The following OFD1 variants were observed in gnomAD, a reference collection of about 807,000 sequenced individuals.
OFD1 encodes OFD1 centriole and centriolar satellite protein, also known as centriole and centriolar satellite protein OFD1.
OFD1 carries 12 observed loss-of-function variants against 81.4 expected under a neutral mutation model. The observed-to-expected ratio is 0.15, with a 90% CI of 0.09 to 0.24. The LOEUF (loss-of-function observed/expected upper bound fraction) is 0.24. Among genes scored for constraint, OFD1 ranks in the 10% least tolerant of loss-of-function variants. The pLI, the probability that OFD1 is intolerant of heterozygous loss-of-function variation, is 1.00. For missense variants in OFD1, 685 were observed against 733.9 expected (o/e 0.93, Z 0.77); for synonymous variants, 256 against 263.7 (o/e 0.97, Z 0.28).
downstream of OFD1, chrX:13,773,302 A>T: frequency 1.5e-5 from 3 of 196,453 alleles, no homozygotes; most frequent in Non-Finnish European, 2.6e-5. Context: ...ATGAAATACG[A>T]GAGGGTGCTT....
At chrX:13,736,320 G>A in intron 2 of OFD1, 158 bp from the exon 3 acceptor site, 1 of 1,093,178 alleles carries the variant, frequency 9.1e-7, no homozygotes, top group Non-Finnish European at 1.2e-6. Flanking sequence ...TGCAGGGGAA[G>A]GTTTCTAACT....
At chrX:13,723,221 C>T in the OFD1 span, among the ~76,000 whole-genome samples, 1 of 111,879 alleles carries the variant, frequency 8.9e-6, no homozygotes, top group Non-Finnish European at 1.9e-5. Context: ...TGATTCCAAA[C>T]TAGTGGCACA....
downstream of OFD1, chrX:13,773,562 A>G (rs2048343767): frequency 8.9e-6 from 1 of 112,104 alleles, no homozygotes; most frequent in Non-Finnish European, 1.9e-5. Context: ...TAAGCAAAGC[A>G]TGCAGTCTCT....
Position 13,761,128 on chromosome X carries a change from C to A in OFD1, c.2304C>A (p.Asp768Glu), listed in dbSNP as rs1285657350. ...TTGCTTCCCCCAGTCCTTGTCCTGACAGAATGCCCCTACCATCACCCACTG... is the reference window on the plus strand; with the variant it reads ...TTGCTTCCCCCAGTCCTTGTCCTGAAAGAATGCCCCTACCATCACCCACTG... ...SHIASPSPCP[D>E]RMPLPSPTES... The change falls in exon 17 of 23, where the codon GAC (aspartate) becomes GAA (glutamate). Residue 768 changes from aspartate (D) to glutamate (E), a missense_variant. Coordinates refer to ENST00000340096, the MANE Select transcript of OFD1 (RefSeq NM_003611.3). The A allele has an allele frequency of 4.1e-6, 5 of 1,208,551 alleles. No individual in the cohort carries two copies. The highest frequency in any genetic ancestry group is 4.4e-5 in the Admixed American group (2 of 45,665).
rs147104722 is a variant in OFD1, at chrX:13,757,708, G to C, written c.1460G>C (p.Arg487Pro). ...CTTGCAGTCTTTCAGAAAGAACTAC[G>C]GAAAGCCGAAAAGGCTATAGTGGTT... Reference protein sequence around the residue: ...PELAVFQKELRKAEKAIVVEH... With the variant: ...PELAVFQKELPKAEKAIVVEH... The change falls in exon 14 of 23, where the codon CGG becomes CCG. Residue 487 changes from arginine to proline, a missense_variant. By Grantham distance (103) the Arg-to-Pro change is moderately radical. This residue lies in a region of OFD1 where 414 missense variants were observed against 447.2 expected (regional missense o/e 0.93). Coordinates refer to ENST00000340096, the MANE Select transcript of OFD1 (RefSeq NM_003611.3). 1 of 1,207,816 alleles carries C rather than the reference G, an allele frequency of 8.3e-7. No individual in the cohort carries two copies. The highest frequency in any genetic ancestry group is 1.1e-6 in the Non-Finnish European group (1 of 894,473).
Position 13,746,440 on chromosome X carries a change from A to G in OFD1, c.639A>G (p.Ala213=). Residue 213 remains alanine (A), a synonymous_variant, in exon 7 of 23, where the codon GCA becomes GCG. Transcript: ENST00000340096. ...YKREIEEQLR[A]EMCQKLKFFK... is the part of the protein sequence containing the mutation. ...GAGAAATAGAAGAGCAACTTCGGGC[A>G]GAAATGTGTCAAAAGGTAAGCTTTA... 1 of 1,210,413 alleles carries G rather than the reference A, an allele frequency of 8.3e-7. No individual in the cohort carries two copies. The highest frequency in any genetic ancestry group is 1.1e-6 in the Non-Finnish European group (1 of 894,050).
chrX:13,755,605 G>A (rs954570590), intron 12 of OFD1, among the ~76,000 whole-genome samples: 4 of 111,960 alleles, frequency 3.6e-5, no homozygotes, highest in Non-Finnish European at 7.5e-5. Context: ...TTCATAGCAG[G>A]TGGCCATTAC....
At chrX:13,771,635 C>G (rs1444076492), downstream of OFD1, 1 of 111,833 alleles carries the variant, frequency 8.9e-6, no homozygotes, top group Admixed American at 9.6e-5. Flanking sequence ...AGCACTGATG[C>G]ACCCAACAGT....
chrX:13,737,748 G>C (rs2046928001), intron 3 of OFD1, among the ~76,000 whole-genome samples: 1 of 112,010 alleles, frequency 8.9e-6, no homozygotes, highest in South Asian at 3.7e-4. Context: ...ATATTCCAAA[G>C]TTTTAGTGAC....
downstream of OFD1, chrX:13,773,043 GGTGAGCATGATGGCTA>G: frequency 1.7e-6 from 2 of 1,204,949 alleles, no homozygotes; most frequent in Non-Finnish European, 2.2e-6. Flanking sequence ...GGAAGAGAAG[GGTGAGCATGATGGCTA>G]GTGAGCATTG....
rs534681283 is a variant in OFD1, at chrX:13,764,956, C to T, written c.2599+1101C>T. On this transcript the variant is annotated intron_variant, in intron 19 of 22. Coordinates refer to ENST00000340096, the MANE Select transcript of OFD1 (RefSeq NM_003611.3). ...GGGGCTGCAGCAGCTGAGTAGGGGCCGTGGCCACAAGAGGGAGTGTCTACA... is the reference window on the plus strand; with the variant it reads ...GGGGCTGCAGCAGCTGAGTAGGGGCTGTGGCCACAAGAGGGAGTGTCTACA... 2.4e-3 allele frequency among the ~76,000 whole-genome samples: 264 copies of T among 111,237 alleles called. 1 individual carries two copies. Among genetic ancestry groups the T allele is most frequent in the Non-Finnish European group, 4.2e-3 (225 of 53,030 alleles).
rs3815049 is a variant in OFD1, at chrX:13,753,457, A to C, written c.1129+16A>C. The C allele has an allele frequency of 8.3e-7, 1 of 1,206,198 alleles. No individual in the cohort carries two copies. The highest frequency in any genetic ancestry group is 2.2e-5 in the Admixed American group (1 of 45,954). ...AAGAATAAAGGTGATGTTTGGGGGG[A>C]AAATAAGCTGTATTTTTCAGTTCTG... On this transcript the variant is annotated intron_variant, in intron 11 of 22. Transcript: ENST00000340096.
intron 9 of OFD1, among the ~76,000 whole-genome samples, chrX:13,750,069 C>T (rs181592717): frequency 4.5e-5 from 5 of 112,243 alleles, no homozygotes; most frequent in Middle Eastern, 4.6e-3. Context: ...TGCAATAAGC[C>T]TTCTCTTCCT....
chrX:13,766,670 T>C (rs2048141828), intron 19 of OFD1, among the ~76,000 whole-genome samples: 1 of 110,144 alleles, frequency 9.1e-6, no homozygotes. Flanking sequence ...TTCTGTTCTG[T>C]TTTGTTGGGG....
chrX:13,766,590 G>A (rs1010140844), intron 19 of OFD1, among the ~76,000 whole-genome samples: 2 of 111,100 alleles, frequency 1.8e-5, no homozygotes, highest in African/African-American at 3.3e-5. Flanking sequence ...AAGGGCTGCC[G>A]TCAGTTTGGA....
At position 13,763,826 on chromosome X, in the gene OFD1, C is replaced by G. The variant is rs2048026072; in HGVS notation, c.2570C>G (p.Ala857Gly). ...GDMSHVDAAA[A>G]AVPLSYQHPS... ...ATGTCTCATGTGGACGCTGCTGCAG[C>G]TGCTGTGCCCCTCTCATATCAGCAC... Residue 857 changes from alanine to glycine, a missense_variant, in exon 19 of 23, where the codon GCT becomes GGT. By Grantham distance (60) the Ala-to-Gly change is moderately conservative. Transcript: ENST00000340096. 1.7e-6 allele frequency: 2 copies of G among 1,208,399 alleles called. No homozygotes were observed. The highest frequency in any genetic ancestry group is 2.2e-6 in the Non-Finnish European group (2 of 893,958).
chrX:13,772,986 C>T (rs781290375), downstream of OFD1: 5 of 1,210,434 alleles, frequency 4.1e-6, no homozygotes, highest in Admixed American at 8.7e-5. Context: ...TGCTCGCATC[C>T]TTTAAGTAAG....
intron 10 of OFD1, among the ~76,000 whole-genome samples, chrX:13,752,348 G>A (rs1011765348): frequency 7.1e-5 from 8 of 112,245 alleles, no homozygotes; most frequent in African/African-American, 2.3e-4. Flanking sequence ...GTTAATATTT[G>A]TTGTAAATGT....
chrX:13,722,316 G>A, the OFD1 span: 1 of 108,496 alleles, frequency 9.2e-6, no homozygotes, highest in East Asian at 2.9e-4. Flanking sequence ...CCCCTATATG[G>A]AAAGCCACGA....
Sources: allele counts gnomAD v4.1 joint callset (sites outside exome capture counted in the v4.1 genomes callset), GRCh38; gene constraint gnomAD v4.1.1; regional missense constraint gnomAD v4.1.1; transcripts MANE v1.5; gene names NCBI Gene and HGNC (gene_info 2026-07-23, HGNC 2026-07-21).